Variants in KIF13A observed in about 807,000 individuals in gnomAD.
The protein encoded by KIF13A is kinesin-like protein KIF13A.
In KIF13A, 79 loss-of-function variants were observed where a neutral mutation model predicts 212.2. The ratio of observed to expected loss-of-function variants is 0.37; its 90% CI spans 0.31 to 0.45. The LOEUF is 0.45. Ranked by LOEUF, KIF13A falls within the 20% of genes least tolerant of loss-of-function variation. KIF13A has a pLI of 1.00. For missense variants in KIF13A, 1,901 were observed against 2,209.0 expected, an observed-to-expected ratio of 0.86 and a Z score of 2.79; for synonymous variants, 789 against 808.6, an observed-to-expected ratio of 0.98 and a Z score of 0.41.
chr6:17,976,943 TATA>T (rs1780586366), intron 2 of KIF13A, among the ~76,000 whole-genome samples: 1 of 150,308 alleles, frequency 6.7e-6, no homozygotes, highest in Admixed American at 6.6e-5. Flanking sequence ...CTACTAAAAA[TATA>T]AAAAAATTAG....
rs369484213 is a variant in KIF13A, at chr6:17,971,717, G to A, written c.146+15337C>T. Among the ~76,000 whole-genome samples, 13 of 152,214 alleles carry A rather than the reference G, an allele frequency of 8.5e-5. No individual in the cohort carries two copies. In the East Asian group the frequency reaches 1.7e-3, roughly 20 times the overall value. Reference sequence around the variant, plus strand: ...TGGGATTACAGGAGTGAGTCACCACGTCCGGCTTGCTCTTGTTTTAGTGTG... The same window carrying A: ...TGGGATTACAGGAGTGAGTCACCACATCCGGCTTGCTCTTGTTTTAGTGTG... On this transcript the variant is annotated intron_variant, in intron 2 of 38. Transcript: ENST00000259711. This position sits in a 1 kb window ranked among gnomAD's most constrained non-coding sequence, Gnocchi z 4.2.
intron 2 of KIF13A, among the ~76,000 whole-genome samples, chr6:17,977,134 AAAG>A (rs1167374615): frequency 8.6e-5 from 13 of 151,000 alleles, no homozygotes; most frequent in South Asian, 2.1e-4. Flanking sequence ...AAAAAAAAAA[AAAG>A]AAATGCACAT....
chr6:17,907,472 G>C (rs925999874), intron 2 of KIF13A, among the ~76,000 whole-genome samples: 1 of 151,312 alleles, frequency 6.6e-6, no homozygotes, highest in East Asian at 2.0e-4. Context: ...TTAATAGCAT[G>C]AATTAGCCCT....
At chr6:17,882,215 A>T in intron 3 of KIF13A, 1 of 382,188 alleles carries the variant, frequency 2.6e-6, no homozygotes, top group Non-Finnish European at 5.3e-6. Context: ...TCTGGAAAGC[A>T]ATAAACTAAC....
rs1218231290 is a variant in KIF13A at position 17,852,020 on chromosome 6, G to A, written c.517C>T (p.Arg173Ter). The A allele has an allele frequency of 1.9e-6, 3 of 1,546,634 alleles. No individual in the cohort carries two copies. Among genetic ancestry groups the A allele is most frequent in the East Asian group, 2.4e-5 (1 of 41,576 alleles). Residue 173 changes from arginine (R) to a stop codon, truncating the protein, a stop_gained, in exon 7 of 39, where the codon CGA becomes TGA. Transcript: ENST00000259711. LOFTEE classifies it high-confidence loss of function. The stretch of plus-strand genomic sequence containing the variant: ...TATGGTCCCAAAACTTTATGTTCTC[G>A]AACTTTAAGAGACTGTCTACTCCTG... ...PKGSRQSLKV[R>*]EHKVLGPYVD...
intron 2 of KIF13A, among the ~76,000 whole-genome samples, chr6:17,976,198 C>T (rs1339364447): frequency 2.0e-5 from 3 of 152,230 alleles, no homozygotes; most frequent in Admixed American, 6.5e-5. Context: ...ACTCCTCAGC[C>T]CTTGGGTGGT....
rs1026736710 is a variant in KIF13A at position 17,872,932 on chromosome 6, G to A, written c.220+445C>T. Among the ~76,000 whole-genome samples, 11 of 152,088 alleles carry A rather than the reference G, an allele frequency of 7.2e-5. No individual in the cohort carries two copies. The East Asian group carries it at 1.7e-3, about 24-fold the overall frequency. ...ATTACAGATGTGAGCCACCATGCCC[G>A]GACGAAAAATAAATTTTTAAAAAGA... On this transcript the variant is annotated intron_variant, in intron 4 of 38. Transcript: ENST00000259711. This position sits in a 1 kb window ranked among gnomAD's most constrained non-coding sequence, Gnocchi z 4.7.
intron 2 of KIF13A, among the ~76,000 whole-genome samples, chr6:17,975,217 G>A (rs1780229831): frequency 6.6e-6 from 1 of 152,176 alleles, no homozygotes; most frequent in Non-Finnish European, 1.5e-5. Context: ...AGCAGGCGGG[G>A]TGGCAGGTTT....
chr6:17,882,499 G>A lies in KIF13A; in HGVS notation c.160-9062C>T, dbSNP rs371365518. Among the ~76,000 whole-genome samples the A allele has an allele frequency of 4.6e-5, 7 of 151,964 alleles. No individual in the cohort carries two copies. In the South Asian group the frequency reaches 6.2e-4, roughly 14 times the overall value. On this transcript the variant is annotated intron_variant, in intron 3 of 38. Transcript: ENST00000259711. ...CATATACATCAGATTTTTGCAAAGT[G>A]AGCCAAAACCTACCCCCTTTTAATT...
At chr6:17,958,155 C>G (rs1287304688) in intron 2 of KIF13A, among the ~76,000 whole-genome samples, 1 of 152,150 alleles carries the variant, frequency 6.6e-6, no homozygotes, top group Non-Finnish European at 1.5e-5. Flanking sequence ...ACAATTATAC[C>G]TCAGGCACAA....
Position 17,850,518 on chromosome 6 carries a change from C to T in KIF13A, c.583-61G>A. On this transcript the variant is annotated intron_variant, in intron 7 of 38. Coordinates refer to ENST00000259711, the MANE Select transcript of KIF13A (RefSeq NM_022113.6). The surrounding 1 kb of genome is among the most constrained non-coding windows in gnomAD (Gnocchi z 6.2). The stretch of plus-strand genomic sequence containing the variant: ...AAACACAAGAATGTAGTCCTGCACA[C>T]CAGGTATATGTATTAATTATGATTC... 6.7e-7 allele frequency: 1 copy of T among 1,497,096 alleles called. No homozygotes were observed. Among genetic ancestry groups the T allele is most frequent in the Non-Finnish European group, 9.0e-7 (1 of 1,107,466 alleles). The allele number at this position is 1,497,096 out of a possible 1,614,324, so 92.7% of individuals were successfully genotyped here. A position where few individuals can be genotyped will look rare whatever the true frequency, so the allele number is the denominator to read the frequency against.
rs1314709484 is a variant in KIF13A, at chr6:17,789,323, T to A, written c.3261+549A>T. Reference sequence around the variant, plus strand: ...ACCCAAATGAGAAAAGAAAGCTGGCTAAACAAAACACAATTATGCGCATAA... The same window carrying A: ...ACCCAAATGAGAAAAGAAAGCTGGCAAAACAAAACACAATTATGCGCATAA... On this transcript the variant is annotated intron_variant, in intron 26 of 38. Transcript: ENST00000259711. The surrounding 1 kb of genome is among the most constrained non-coding windows in gnomAD (Gnocchi z 4.8). 6.6e-6 allele frequency among the ~76,000 whole-genome samples: 1 copy of A among 152,198 alleles called. No individual in the cohort carries two copies. The highest frequency in any genetic ancestry group is 1.5e-5 in the Non-Finnish European group (1 of 68,036).
intron 2 of KIF13A, among the ~76,000 whole-genome samples, chr6:17,927,967 A>G (rs1277566124): frequency 6.6e-6 from 1 of 152,246 alleles, no homozygotes; most frequent in Non-Finnish European, 1.5e-5. Context: ...CAGCCAGCTG[A>G]TATGTGAAAG....
chr6:17,935,809 A>G (rs773874271), intron 2 of KIF13A, among the ~76,000 whole-genome samples: 2 of 152,236 alleles, frequency 1.3e-5, no homozygotes, highest in Non-Finnish European at 2.9e-5. Flanking sequence ...ATTAGTACAA[A>G]TGAAGCTCTT....
At chr6:17,770,475 T>G (rs1160509847) in intron 38 of KIF13A, 1 of 150,592 alleles carries the variant, frequency 6.6e-6, no homozygotes, top group Non-Finnish European at 1.5e-5. Flanking sequence ...AACCAAGTGC[T>G]AAGGAATGAG....
At chr6:17,807,613 TC>T (rs1390264751) in intron 18 of KIF13A, among the ~76,000 whole-genome samples, 6 of 144,846 alleles carry the variant, frequency 4.1e-5, no homozygotes, top group Admixed American at 4.0e-4. Context: ...TCTGTCCTGT[TC>T]CCTCAGAAGC....
chr6:17,975,173 A>C (rs773247878), intron 2 of KIF13A, among the ~76,000 whole-genome samples: 8 of 152,122 alleles, frequency 5.3e-5, no homozygotes, highest in Non-Finnish European at 1.0e-4. Context: ...GTGAAACCCT[A>C]TCTCTACTAA....
intron 2 of KIF13A, among the ~76,000 whole-genome samples, chr6:17,952,849 G>A (rs1038757351): frequency 2.0e-5 from 3 of 151,806 alleles, no homozygotes; most frequent in Non-Finnish European, 4.4e-5. Flanking sequence ...AGAGTGGCGC[G>A]AACCCGGGAG....
Position 17,773,706 on chromosome 6 carries a change from G to T in KIF13A, c.4219-123C>A. 2.0e-6 allele frequency: 1 copy of T among 501,926 alleles called. No homozygotes were observed. Among genetic ancestry groups the T allele is most frequent in the Non-Finnish European group, 3.5e-6 (1 of 283,912 alleles). 31.1% of individuals were successfully genotyped at this position (501,926 alleles called of 1,614,324 possible). ...ATATGCTCTTCTTTATTTTTATTATGATTTATTTCAAATATACAGAAAGGG... is the reference window on the plus strand; with the variant it reads ...ATATGCTCTTCTTTATTTTTATTATTATTTATTTCAAATATACAGAAAGGG... On this transcript the variant is annotated intron_variant, in intron 35 of 38. Transcript: ENST00000259711. The surrounding 1 kb of genome is among the most constrained non-coding windows in gnomAD (Gnocchi z 4.2).
Sources: allele counts gnomAD v4.1 joint callset (sites outside exome capture counted in the v4.1 genomes callset), GRCh38; gene constraint gnomAD v4.1.1; non-coding constraint Gnocchi (gnomAD v3.1); transcripts MANE v1.5; gene names NCBI Gene and HGNC (gene_info 2026-07-23, HGNC 2026-07-21).